MAGI2: variants seen among roughly 807,000 people sequenced by gnomAD.
MAGI2 encodes the protein membrane-associated guanylate kinase, WW and PDZ domain-containing protein 2.
In MAGI2, 35 loss-of-function variants were observed where a neutral mutation model predicts 133.3. The observed-to-expected ratio is 0.26, with a 90% CI of 0.20 to 0.35. The LOEUF is 0.35. Among genes scored for constraint, MAGI2 ranks in the 10% least tolerant of loss-of-function variants. The probability of loss-of-function intolerance (pLI) is 1.00; values close to 1 mark genes in which losing one functional copy is unlikely to be tolerated. For missense variants in MAGI2, 1,636 were observed against 1,863.4 expected (o/e 0.88, Z 2.25); for synonymous variants, 729 against 710.6 (o/e 1.03, Z -0.41).
chr7:78,248,064 A>G (rs992581167), intron 10 of MAGI2, among the ~76,000 whole-genome samples: 6 of 152,232 alleles, frequency 3.9e-5, no homozygotes, highest in Non-Finnish European at 8.8e-5. Flanking sequence ...GTAAGAATTT[A>G]AAAAGCAGCA....
chr7:78,994,192 A>G (rs1278292294), intron 2 of MAGI2, among the ~76,000 whole-genome samples: 1 of 152,126 alleles, frequency 6.6e-6, no homozygotes, highest in African/African-American at 2.4e-5. Context: ...GTACAGAGCC[A>G]GCTATGCTGA....
intron 1 of MAGI2, among the ~76,000 whole-genome samples, chr7:79,080,223 C>T (rs879836484): frequency 5.9e-5 from 9 of 151,986 alleles, no homozygotes; most frequent in South Asian, 4.2e-4. Flanking sequence ...ATAAAAGACT[C>T]GGTATTAATG....
intron 1 of MAGI2, among the ~76,000 whole-genome samples, chr7:79,425,956 T>TA (rs1847344097): frequency 6.6e-6 from 1 of 152,096 alleles, no homozygotes; most frequent in Non-Finnish European, 1.5e-5. Flanking sequence ...ACATAATTTT[T>TA]AAAAAAGAAT....
At chr7:79,419,335 C>G (rs182167545) in intron 1 of MAGI2, among the ~76,000 whole-genome samples, 3 of 152,066 alleles carry the variant, frequency 2.0e-5, no homozygotes, top group Admixed American at 2.0e-4. Context: ...TGCAGGACAA[C>G]AGTTACCATT....
intron 1 of MAGI2, among the ~76,000 whole-genome samples, chr7:79,337,864 G>A (rs1840556810): frequency 6.6e-6 from 1 of 152,068 alleles, no homozygotes; most frequent in African/African-American, 2.4e-5. Flanking sequence ...GATGTGGTGT[G>A]TGCCTACTAG....
chr7:78,334,918 A>T (rs897289537), intron 9 of MAGI2, among the ~76,000 whole-genome samples: 1 of 152,230 alleles, frequency 6.6e-6, no homozygotes, highest in African/African-American at 2.4e-5. Context: ...CAGAGGTATC[A>T]TGACTTTGAA....
chr7:79,096,415 C>T (rs900279836), intron 1 of MAGI2, among the ~76,000 whole-genome samples: 1 of 152,158 alleles, frequency 6.6e-6, no homozygotes. Context: ...CCTTCTATTG[C>T]TAGTCCCTGG....
At position 78,798,920 on chromosome 7, in the gene MAGI2, G is replaced by C. The variant is rs550099595; in HGVS notation, c.419-171681C>G. Among the ~76,000 whole-genome samples, 16 of 152,246 alleles carry C rather than the reference G, an allele frequency of 1.1e-4. No individual in the cohort carries two copies. In the South Asian group the frequency reaches 3.3e-3, roughly 32 times the overall value. On this transcript the variant is annotated intron_variant, in intron 2 of 21. Transcript: ENST00000354212. ...CAAAGGCCTTTGCCAAACATCCGAT[G>C]TCTCCTCATGGTTACTACCTTGCAA...
At chr7:79,292,671 G>T (rs370056307) in intron 1 of MAGI2, among the ~76,000 whole-genome samples, 8 of 147,358 alleles carry the variant, frequency 5.4e-5, no homozygotes, top group Admixed American at 2.1e-4. Context: ...TTAAAATTGG[G>T]AGGTACCCTC....
chr7:78,800,604 T>C (rs1028913581), intron 2 of MAGI2, among the ~76,000 whole-genome samples: 1 of 152,178 alleles, frequency 6.6e-6, no homozygotes, highest in South Asian at 2.1e-4. Flanking sequence ...TTTTGGTCTA[T>C]TATACATTTA....
chr7:79,234,512 T>C (rs891696753), intron 1 of MAGI2, among the ~76,000 whole-genome samples: 8 of 151,730 alleles, frequency 5.3e-5, no homozygotes, highest in Non-Finnish European at 1.2e-4. Flanking sequence ...CTTTTTTCTC[T>C]AAACTTCCCT....
Position 78,815,518 on chromosome 7 carries a change from T to A in MAGI2, c.419-188279A>T, listed in dbSNP as rs1307306573. On this transcript the variant is annotated intron_variant, in intron 2 of 21. Coordinates refer to ENST00000354212, the MANE Select transcript of MAGI2 (RefSeq NM_012301.4). ...ACTTTGCTTATTGTACTTTTTTTTT[T>A]ACCCAAATTGAAGGTTTGTGGCAAC... Among the ~76,000 whole-genome samples the A allele has an allele frequency of 2.0e-5, 3 of 152,268 alleles. No individual in the cohort carries two copies. In the East Asian group the frequency reaches 5.8e-4, roughly 29 times the overall value.
intron 1 of MAGI2, among the ~76,000 whole-genome samples, chr7:79,074,008 G>A (rs756394299): frequency 2.8e-4 from 42 of 152,120 alleles, no homozygotes; most frequent in Middle Eastern, 3.4e-3. Flanking sequence ...CTACAATAAT[G>A]ACAATAATGC....
chr7:78,044,280 C>T (rs1811165776), intron 21 of MAGI2, among the ~76,000 whole-genome samples: 1 of 152,140 alleles, frequency 6.6e-6, no homozygotes, highest in Non-Finnish European at 1.5e-5. Flanking sequence ...CTAATAGAGG[C>T]ATGTGTGTAT....
intron 6 of MAGI2, among the ~76,000 whole-genome samples, chr7:78,437,715 C>T (rs1016241847): frequency 6.6e-6 from 1 of 152,098 alleles, no homozygotes; most frequent in Non-Finnish European, 1.5e-5. Context: ...CATGACATGA[C>T]CACTGAGTGT....
At chr7:78,915,493 G>C (rs1184425294) in intron 2 of MAGI2, among the ~76,000 whole-genome samples, 1 of 151,738 alleles carries the variant, frequency 6.6e-6, no homozygotes, top group Non-Finnish European at 1.5e-5. Context: ...ACACACATAG[G>C]AAAAACCTAC....
chr7:78,752,817 C>A (rs1406227885), intron 2 of MAGI2, among the ~76,000 whole-genome samples: 2 of 152,192 alleles, frequency 1.3e-5, no homozygotes, highest in African/African-American at 4.8e-5. Context: ...CCACAGAGGG[C>A]AGCCTCAAAT....
chr7:78,435,958 A>G (rs1426597420), intron 6 of MAGI2, among the ~76,000 whole-genome samples: 1 of 152,206 alleles, frequency 6.6e-6, no homozygotes, highest in African/African-American at 2.4e-5. Context: ...AGCAGAGGAC[A>G]AGGTCAAATG....
chr7:79,372,656 C>G (rs892233465), intron 1 of MAGI2, among the ~76,000 whole-genome samples: 1 of 151,998 alleles, frequency 6.6e-6, no homozygotes, highest in Non-Finnish European at 1.5e-5. Flanking sequence ...TTTTAACACC[C>G]AATTTTCAGT....
Sources: allele counts gnomAD v4.1 joint callset (sites outside exome capture counted in the v4.1 genomes callset), GRCh38; gene constraint gnomAD v4.1.1; transcripts MANE v1.5; gene names NCBI Gene and HGNC (gene_info 2026-07-23, HGNC 2026-07-21).